Variants in KCND2 observed in about 807,000 individuals in gnomAD.
The protein encoded by KCND2 is A-type voltage-gated potassium channel KCND2.
KCND2 carries 16 observed loss-of-function variants against 54.4 expected under a neutral mutation model. That is an observed-to-expected ratio of 0.29 (90% confidence interval 0.20 to 0.45). The LOEUF is 0.45. Ranked by LOEUF, KCND2 falls within the 20% of genes least tolerant of loss-of-function variation. The pLI, the probability that KCND2 is intolerant of heterozygous loss-of-function variation, is 1.00. For synonymous variants in KCND2, 317 were observed against 310.7 expected, an observed-to-expected ratio of 1.02 and a Z score of -0.21; for missense variants, 486 against 824.2, an observed-to-expected ratio of 0.59 and a Z score of 5.02.
chr7:120,469,444 G>A (rs1802422904), intron 1 of KCND2, among the ~76,000 whole-genome samples: 1 of 152,020 alleles, frequency 6.6e-6, no homozygotes, highest in South Asian at 2.1e-4. Flanking sequence ...TGTCCTGTGT[G>A]TTCATTCTTA....
rs1793041512 is a variant in KCND2 at position 120,749,043 on chromosome 7, T to C, written c.*1185T>C. On this transcript the variant is annotated 3_prime_UTR_variant, in exon 6 of 6. Transcript: ENST00000331113. ...AAAGCCCAGATACTGGATATATCAC[T>C]ATGTATTTTATGAACAGAATTGACT... 6.6e-6 allele frequency: 1 copy of C among 151,972 alleles called. No individual in the cohort carries two copies. Among genetic ancestry groups the C allele is most frequent in the Non-Finnish European group, 1.5e-5 (1 of 67,858 alleles). The allele number at this position is 151,972 out of a possible 1,614,324, so 9.4% of individuals were successfully genotyped here. A position where few individuals can be genotyped will look rare whatever the true frequency, so the allele number is the denominator to read the frequency against.
At chr7:120,600,740 T>A (rs1026398621) in intron 1 of KCND2, among the ~76,000 whole-genome samples, 1 of 152,064 alleles carries the variant, frequency 6.6e-6, no homozygotes, top group African/African-American at 2.4e-5. Context: ...GGTTTTTAAT[T>A]CTAAATAACT....
Position 120,415,393 on chromosome 7 carries a change from C to A in KCND2, c.1115+139646C>A, listed in dbSNP as rs539466092. On this transcript the variant is annotated intron_variant, in intron 1 of 5. Transcript: ENST00000331113. ...ATTTTCTTAAAGTGGTGCTGTCATA[C>A]CCCCGCCTGCATCTGCACTATCCAC... Among the ~76,000 whole-genome samples the A allele has an allele frequency of 1.8e-3, 269 of 152,238 alleles. 2 individuals carry two copies. Among genetic ancestry groups the A allele is most frequent in the African/African-American group, 6.4e-3 (264 of 41,546 alleles).
At chr7:120,430,318 A>G (rs1801771155) in intron 1 of KCND2, among the ~76,000 whole-genome samples, 1 of 152,100 alleles carries the variant, frequency 6.6e-6, no homozygotes, top group Non-Finnish European at 1.5e-5. Flanking sequence ...CTAGAGCGCA[A>G]CTATTATGAC....
chr7:120,660,215 G>T (rs990935380), intron 1 of KCND2, among the ~76,000 whole-genome samples: 16 of 152,248 alleles, frequency 1.1e-4, no homozygotes, highest in African/African-American at 3.6e-4. Flanking sequence ...AGCAACTTTT[G>T]ACTCCTATCG....
intron 4 of KCND2, among the ~76,000 whole-genome samples, chr7:120,744,116 G>T (rs1308094177): frequency 6.6e-5 from 10 of 152,116 alleles, no homozygotes; most frequent in African/African-American, 2.4e-4. Context: ...AAAAAAATTA[G>T]CCAGACATGG....
intron 1 of KCND2, among the ~76,000 whole-genome samples, chr7:120,508,976 G>A (rs1216353059): frequency 6.6e-6 from 1 of 150,432 alleles, no homozygotes; most frequent in East Asian, 1.9e-4. Flanking sequence ...TCCAGAGACT[G>A]GTGCTGATTG....
At chr7:120,422,414 C>T (rs1801638649) in intron 1 of KCND2, among the ~76,000 whole-genome samples, 1 of 152,304 alleles carries the variant, frequency 6.6e-6, no homozygotes, top group African/African-American at 2.4e-5. Context: ...TCCTCCTCTT[C>T]CTGGCCTGTC....
intron 1 of KCND2, among the ~76,000 whole-genome samples, chr7:120,684,534 T>C (rs1792177306): frequency 6.6e-6 from 1 of 152,160 alleles, no homozygotes; most frequent in African/African-American, 2.4e-5. Flanking sequence ...AGACTCTGGG[T>C]AGACCTTAAG....
At chr7:120,514,430 C>G (rs1349417634) in intron 1 of KCND2, among the ~76,000 whole-genome samples, 1 of 152,128 alleles carries the variant, frequency 6.6e-6, no homozygotes, top group Non-Finnish European at 1.5e-5. Flanking sequence ...AAACACCCCA[C>G]AAATACACGT....
chr7:120,543,235 T>TC (rs1300974549), intron 1 of KCND2, among the ~76,000 whole-genome samples: 2 of 152,002 alleles, frequency 1.3e-5, no homozygotes, highest in Non-Finnish European at 2.9e-5. Flanking sequence ...CCCTTTTTTT[T>TC]CACTTCCTCT....
At chr7:120,693,512 GA>G (rs891298193) in intron 1 of KCND2, among the ~76,000 whole-genome samples, 5 of 151,372 alleles carry the variant, frequency 3.3e-5, no homozygotes, top group Non-Finnish European at 5.9e-5. Flanking sequence ...AATGGATAAT[GA>G]AAAAAAATTG....
At chr7:120,325,138 G>T (rs1584730943) in intron 1 of KCND2, among the ~76,000 whole-genome samples, 1 of 145,904 alleles carries the variant, frequency 6.9e-6, no homozygotes, top group East Asian at 2.0e-4. Flanking sequence ...TGTGATTTTT[G>T]CACATTGATT....
chr7:120,630,531 T>TTTTTAATTTTATTATTGATTTTTATTA (rs1793220785), intron 1 of KCND2, among the ~76,000 whole-genome samples: 1 of 152,182 alleles, frequency 6.6e-6, no homozygotes, highest in African/African-American at 2.4e-5. Context: ...ATTTTTTATA[T>TTTTTAATTTTATTATTGATTTTTATTA]TTCATAACAG....
chr7:120,279,616 G>A lies in KCND2; in HGVS notation c.1115+3869G>A, dbSNP rs140963054. On this transcript the variant is annotated intron_variant, in intron 1 of 5. Transcript: ENST00000331113. ...ATTTATCTAAAACAAATACGGTGGC[G>A]TTACATCTTTGCTGCCAGAAAACTT... is the stretch of plus-strand genomic sequence containing the variant. Among the ~76,000 whole-genome samples, 92 of 151,866 alleles carry A rather than the reference G, an allele frequency of 6.1e-4. 1 individual carries two copies. The highest frequency in any genetic ancestry group is 2.0e-3 in the African/African-American group (84 of 41,480).
At chr7:120,715,031 A>G (rs931446072) in intron 1 of KCND2, among the ~76,000 whole-genome samples, 11 of 151,940 alleles carry the variant, frequency 7.2e-5, no homozygotes, top group African/African-American at 2.4e-4. Flanking sequence ...TATACCTCTC[A>G]CTCATTTCTC....
At chr7:120,451,368 A>G (rs540149103) in intron 1 of KCND2, among the ~76,000 whole-genome samples, 3 of 152,304 alleles carry the variant, frequency 2.0e-5, no homozygotes, top group Admixed American at 2.0e-4. Context: ...AGTGACAGGC[A>G]TTTTTGTTAT....
At chr7:120,521,296 A>G (rs1395343253) in intron 1 of KCND2, among the ~76,000 whole-genome samples, 1 of 152,118 alleles carries the variant, frequency 6.6e-6, no homozygotes, top group Non-Finnish European at 1.5e-5. Context: ...TCAGACTGCA[A>G]TGTAAGATGT....
intron 1 of KCND2, among the ~76,000 whole-genome samples, chr7:120,613,854 C>T (rs1189696295): frequency 6.6e-6 from 1 of 152,144 alleles, no homozygotes; most frequent in Non-Finnish European, 1.5e-5. Flanking sequence ...TTTCAAATTC[C>T]AGTACATATA....
Sources: gnomAD v4.1 joint callset for allele counts (sites outside exome capture counted in the v4.1 genomes callset) on GRCh38, gnomAD v4.1.1 for gene constraint, MANE v1.5 for transcripts, NCBI Gene and HGNC (gene_info 2026-07-23, HGNC 2026-07-21) for gene names.